The following IMMP2L variants were observed in gnomAD, a reference collection of about 807,000 sequenced individuals.
IMMP2L encodes the protein inner mitochondrial membrane peptidase subunit 2, also known as mitochondrial inner membrane protease subunit 2.
A neutral mutation model predicts 19.3 loss-of-function variants in IMMP2L; 18 were observed. The ratio of observed to expected loss-of-function variants is 0.93; its 90% CI spans 0.64 to 1.38. IMMP2L has a LOEUF of 1.38. Among genes scored for constraint, IMMP2L ranks in the 40% most tolerant of loss-of-function variants. The pLI is 0.00. For missense variants in IMMP2L, 233 were observed against 218.2 expected, an observed-to-expected ratio of 1.07 and a Z score of -0.43; for synonymous variants, 76 against 73.0, an observed-to-expected ratio of 1.04 and a Z score of -0.21.
chr7:110,952,626 T>A (rs1203076418), intron 4 of IMMP2L, among the ~76,000 whole-genome samples: 1 of 152,126 alleles, frequency 6.6e-6, no homozygotes, highest in Non-Finnish European at 1.5e-5. Context: ...AGTTAGAAAC[T>A]GATTACCATC....
chr7:110,767,968 A>G (rs376914130), intron 5 of IMMP2L, among the ~76,000 whole-genome samples: 1 of 152,286 alleles, frequency 6.6e-6, no homozygotes, highest in African/African-American at 2.4e-5. Context: ...TGTGCCAAGC[A>G]CTGTTCCAGA....
chr7:111,383,332 G>A (rs1160678190), intron 3 of IMMP2L, among the ~76,000 whole-genome samples: 1 of 152,100 alleles, frequency 6.6e-6, no homozygotes, highest in African/African-American at 2.4e-5. Context: ...GCCTGTTTCT[G>A]GGAGTGGTAG....
At chr7:111,139,638 CA>C (rs1356930610) in intron 3 of IMMP2L, among the ~76,000 whole-genome samples, 1 of 152,060 alleles carries the variant, frequency 6.6e-6, no homozygotes, top group Non-Finnish European at 1.5e-5. Flanking sequence ...TCATCTCTCC[CA>C]TCTAGAAAGT....
chr7:110,746,450 T>C (rs972029685), intron 5 of IMMP2L, among the ~76,000 whole-genome samples: 7 of 152,182 alleles, frequency 4.6e-5, no homozygotes, highest in African/African-American at 1.7e-4. Context: ...CAACAGAATA[T>C]ACATTCTTCT....
At chr7:111,097,134 G>A (rs1275531908) in intron 3 of IMMP2L, 1 of 151,754 alleles carries the variant, frequency 6.6e-6, no homozygotes, top group East Asian at 1.9e-4. Flanking sequence ...TCAGTTAAAG[G>A]TTAGTATCAA....
intron 3 of IMMP2L, among the ~76,000 whole-genome samples, chr7:111,199,216 T>G (rs944069937): frequency 2.6e-5 from 4 of 152,192 alleles, no homozygotes; most frequent in African/African-American, 9.6e-5. Context: ...AAATACAGCC[T>G]ACATATAATG....
intron 3 of IMMP2L, among the ~76,000 whole-genome samples, chr7:111,454,347 TA>T (rs1215550430): frequency 1.3e-5 from 2 of 152,184 alleles, no homozygotes; most frequent in Non-Finnish European, 2.9e-5. Flanking sequence ...AAAATAAAGT[TA>T]AAATTTTTTA....
intron 3 of IMMP2L, among the ~76,000 whole-genome samples, chr7:111,475,904 C>G (rs1841677932): frequency 6.6e-6 from 1 of 152,066 alleles, no homozygotes; most frequent in Non-Finnish European, 1.5e-5. Flanking sequence ...CCTATCTGTT[C>G]CAGAATTTCT....
intron 5 of IMMP2L, among the ~76,000 whole-genome samples, chr7:110,856,362 A>T (rs930741465): frequency 6.6e-6 from 1 of 152,066 alleles, no homozygotes; most frequent in Admixed American, 6.6e-5. Context: ...TACTTAGCTA[A>T]GGGCAGAATA....
intron 3 of IMMP2L, among the ~76,000 whole-genome samples, chr7:111,460,892 T>C (rs1430309143): frequency 6.6e-6 from 1 of 152,130 alleles, no homozygotes; most frequent in Non-Finnish European, 1.5e-5. Context: ...TAAATCATTA[T>C]TCAGCATTTT....
At chr7:111,162,103 A>G (rs1805330130) in intron 3 of IMMP2L, among the ~76,000 whole-genome samples, 1 of 152,104 alleles carries the variant, frequency 6.6e-6, no homozygotes, top group Admixed American at 6.6e-5. Flanking sequence ...CAGAAAATCA[A>G]TGATTGCAAA....
At chr7:111,449,073 T>C (rs1005960661) in intron 3 of IMMP2L, among the ~76,000 whole-genome samples, 1 of 151,132 alleles carries the variant, frequency 6.6e-6, no homozygotes, top group East Asian at 2.0e-4. Context: ...ATCAATAGTT[T>C]ACCAACCAAA....
intron 2 of IMMP2L, among the ~76,000 whole-genome samples, chr7:111,512,466 T>A (rs1845535265): frequency 6.6e-6 from 1 of 152,172 alleles, no homozygotes; most frequent in Non-Finnish European, 1.5e-5. Context: ...TCCATAAGTT[T>A]ACTTTTAATA....
chr7:111,118,572 G>T (rs763820999), intron 3 of IMMP2L, among the ~76,000 whole-genome samples: 1 of 151,902 alleles, frequency 6.6e-6, no homozygotes, highest in South Asian at 2.1e-4. Context: ...AAAAAGTGGA[G>T]ATTAATGTAC....
At chr7:110,780,961 A>T (rs1342569279) in intron 5 of IMMP2L, among the ~76,000 whole-genome samples, 1 of 151,864 alleles carries the variant, frequency 6.6e-6, no homozygotes, top group Non-Finnish European at 1.5e-5. Context: ...GCTTTTCATT[A>T]GGGGACTAAT....
In IMMP2L at chr7:110,838,467, G is replaced by T. The variant is rs114558127; in HGVS notation, c.408+48126C>A. Among the ~76,000 whole-genome samples the T allele has an allele frequency of 8.0e-3, 1,224 of 152,148 alleles. 13 individuals are homozygous for T. The highest frequency in any genetic ancestry group is 0.027 in the African/African-American group (1,136 of 41,534). ...TCCAGTATGGCAGTACTGAAAGATG[G>T]GGGCCTTAAAAAGGTAACTGGATAA... On this transcript the variant is annotated intron_variant, in intron 5 of 5. Coordinates refer to ENST00000405709, the MANE Select transcript of IMMP2L (RefSeq NM_032549.4).
At chr7:110,769,152 C>T (rs1201207540) in intron 5 of IMMP2L, among the ~76,000 whole-genome samples, 1 of 152,140 alleles carries the variant, frequency 6.6e-6, no homozygotes, top group Non-Finnish European at 1.5e-5. Flanking sequence ...TGCTGCTTTT[C>T]TAAATTATTT....
intron 3 of IMMP2L, among the ~76,000 whole-genome samples, chr7:111,447,771 T>G (rs1438217375): frequency 6.6e-6 from 1 of 151,606 alleles, no homozygotes; most frequent in Non-Finnish European, 1.5e-5. Flanking sequence ...GCAAGTTGGA[T>G]AAAGAGTCAA....
intron 5 of IMMP2L, among the ~76,000 whole-genome samples, chr7:110,821,886 G>A (rs1227957664): frequency 6.6e-6 from 1 of 152,060 alleles, no homozygotes; most frequent in Non-Finnish European, 1.5e-5. Flanking sequence ...TCACGTCACT[G>A]CACTCCAGCC....
Sources: gnomAD v4.1 joint callset for allele counts (sites outside exome capture counted in the v4.1 genomes callset) on GRCh38, gnomAD v4.1.1 for gene constraint, MANE v1.5 for transcripts, NCBI Gene and HGNC (gene_info 2026-07-23, HGNC 2026-07-21) for gene names.